The following IRAK1BP1 variants were observed in gnomAD, a reference collection of about 807,000 sequenced individuals.
IRAK1BP1 encodes interleukin-1 receptor-associated kinase 1-binding protein 1.
In IRAK1BP1, 24 loss-of-function variants were observed where a neutral mutation model predicts 28.0. That is an observed-to-expected ratio of 0.86 (90% CI 0.62 to 1.20). The LOEUF is 1.20. Among genes scored for constraint, IRAK1BP1 ranks in the 50% most tolerant of loss-of-function variants. The pLI is 0.00. For missense variants in IRAK1BP1, 336 were observed against 316.7 expected, an observed-to-expected ratio of 1.06 and a Z score of -0.46; for synonymous variants, 131 against 116.3, an observed-to-expected ratio of 1.13 and a Z score of -0.81.
intron 4 of IRAK1BP1, among the ~76,000 whole-genome samples, chr6:78,926,557 A>G (rs377375371): frequency 2.1e-4 from 32 of 152,136 alleles, no homozygotes; most frequent in African/African-American, 6.8e-4. Flanking sequence ...TTATCCAAGT[A>G]TACACTTTAA....
the IRAK1BP1 span, chr6:78,958,524 T>C: frequency 6.4e-7 from 1 of 1,572,704 alleles, no homozygotes; most frequent in Non-Finnish European, 8.7e-7. Flanking sequence ...GATTTCACAA[T>C]AGGGCTTCCA....
At chr6:78,977,854 TTTTTG>T in the IRAK1BP1 span, among the ~76,000 whole-genome samples, 1 of 152,252 alleles carries the variant, frequency 6.6e-6, no homozygotes, top group East Asian at 1.9e-4. Flanking sequence ...CATTAAAAAG[TTTTTG>T]TTTTCTTTTT....
At chr6:78,918,410 A>C (rs1224956740) in intron 4 of IRAK1BP1, among the ~76,000 whole-genome samples, 1 of 152,128 alleles carries the variant, frequency 6.6e-6, no homozygotes, top group Non-Finnish European at 1.5e-5. Context: ...AAGTTGAAGA[A>C]AAAAACAAGA....
intron 1 of IRAK1BP1, among the ~76,000 whole-genome samples, 179 bp downstream of exon 1, chr6:78,868,070 ATTC>A (rs896924666): frequency 4.6e-5 from 7 of 152,332 alleles, no homozygotes; most frequent in African/African-American, 1.7e-4. Context: ...TATTTGACCC[ATTC>A]TTCTCCTAGA....
chr6:78,885,334 A>G (rs200845870), intron 1 of IRAK1BP1, 44 bp from the exon 2 acceptor site: 7 of 1,078,490 alleles, frequency 6.5e-6, no homozygotes, highest in Non-Finnish European at 9.8e-6. Flanking sequence ...GAGTAATTGC[A>G]TCAAATATTT....
the IRAK1BP1 span, among the ~76,000 whole-genome samples, chr6:78,972,753 C>A: frequency 9.2e-5 from 14 of 151,772 alleles, no homozygotes; most frequent in African/African-American, 2.9e-4. Context: ...GGAGCCGATG[C>A]GATGAACTGG....
chr6:78,903,730 C>T (rs371333967), downstream of IRAK1BP1, among the ~76,000 whole-genome samples: 20 of 151,568 alleles, frequency 1.3e-4, no homozygotes, highest in Non-Finnish European at 2.4e-4. Flanking sequence ...AGTGACAGTA[C>T]GTGTGGGACT....
chr6:78,910,740 T>C (rs905045199), intron 4 of IRAK1BP1, among the ~76,000 whole-genome samples: 1 of 152,218 alleles, frequency 6.6e-6, no homozygotes, highest in Non-Finnish European at 1.5e-5. Flanking sequence ...CGCGGATGCT[T>C]GAATCGCGCT....
At chr6:78,928,938 C>A (rs1236551697) in intron 4 of IRAK1BP1, among the ~76,000 whole-genome samples, 8 of 152,056 alleles carry the variant, frequency 5.3e-5, no homozygotes, top group Non-Finnish European at 1.2e-4. Flanking sequence ...ATTTTTGCAT[C>A]AATATTCATC....
intron 1 of IRAK1BP1, chr6:78,871,254 C>T (rs1770782365): frequency 3.0e-6 from 3 of 984,860 alleles, no homozygotes; most frequent in African/African-American, 1.7e-5. Context: ...CTCACAATGT[C>T]TGGTCCTCCC....
intron 2 of IRAK1BP1, among the ~76,000 whole-genome samples, chr6:78,890,896 T>C (rs1771631146): frequency 6.6e-6 from 1 of 152,150 alleles, no homozygotes; most frequent in Non-Finnish European, 1.5e-5. Context: ...CTCTGAAAGA[T>C]GTTAAAAATG....
chr6:78,893,112 A>G (rs1482473755), intron 2 of IRAK1BP1, among the ~76,000 whole-genome samples: 1 of 151,784 alleles, frequency 6.6e-6, no homozygotes, highest in African/African-American at 2.4e-5. Context: ...AGTACACATT[A>G]TAATCACATT....
At position 78,911,108 on chromosome 6, in the gene IRAK1BP1, T is replaced by A. The variant is rs1439569885; in HGVS notation, c.*67+7998T>A. Among the ~76,000 whole-genome samples the A allele has an allele frequency of 2.0e-5, 3 of 152,108 alleles. No individual in the cohort carries two copies. The East Asian group carries it at 5.8e-4, about 29-fold the overall frequency. ...GCCTTCCTTCTGCTGCCAGCAGCTGTAGATTTTACCTCTTTCCCCTAACTT... is the reference window on the plus strand; with the variant it reads ...GCCTTCCTTCTGCTGCCAGCAGCTGAAGATTTTACCTCTTTCCCCTAACTT... On this transcript the variant is annotated intron_variant and NMD_transcript_variant, in intron 4 of 4. Coordinates refer to the IRAK1BP1 transcript ENST00000606868.
At chr6:78,973,251 C>A in the IRAK1BP1 span, among the ~76,000 whole-genome samples, 1 of 149,182 alleles carries the variant, frequency 6.7e-6, no homozygotes, top group African/African-American at 2.5e-5. Context: ...GAATTTTCAA[C>A]CCAGAATTTC....
chr6:78,973,980 T>G, the IRAK1BP1 span, among the ~76,000 whole-genome samples: 95 of 152,042 alleles, frequency 6.2e-4, 1 homozygote, highest in South Asian at 7.9e-3. Flanking sequence ...GACAGAAAGT[T>G]AACAAGGATA....
chr6:78,923,982 G>T (rs1289088261), intron 4 of IRAK1BP1, among the ~76,000 whole-genome samples: 3 of 152,054 alleles, frequency 2.0e-5, no homozygotes, highest in Non-Finnish European at 2.9e-5. Context: ...ATCTAAAATT[G>T]ACACCCTAAC....
At chr6:78,964,232 AT>A in the IRAK1BP1 span, among the ~76,000 whole-genome samples, 1 of 152,144 alleles carries the variant, frequency 6.6e-6, no homozygotes, top group Non-Finnish European at 1.5e-5. Context: ...ATAAAAAAAA[AT>A]ATATTATTGG....
At chr6:78,948,505 C>A (rs188724227), downstream of IRAK1BP1, among the ~76,000 whole-genome samples, 103 of 152,110 alleles carry the variant, frequency 6.8e-4, 1 homozygote, top group South Asian at 7.9e-3. Flanking sequence ...TTGTACCCCC[C>A]CTTTTTGGGA....
At chr6:78,881,538 A>G (rs980433543) in intron 1 of IRAK1BP1, among the ~76,000 whole-genome samples, 1 of 152,192 alleles carries the variant, frequency 6.6e-6, no homozygotes, top group Non-Finnish European at 1.5e-5. Context: ...AAAAGGCATC[A>G]AAGAGCCTAT....
Sources: allele counts gnomAD v4.1 joint callset (sites outside exome capture counted in the v4.1 genomes callset), GRCh38; gene constraint gnomAD v4.1.1; transcripts MANE v1.5; gene names NCBI Gene and HGNC (gene_info 2026-07-23, HGNC 2026-07-21).